PKIB: variants seen among roughly 807,000 people sequenced by gnomAD.
PKIB encodes the protein PKI-beta.
A neutral mutation model predicts 4.5 loss-of-function variants in PKIB; 2 were observed. That is an observed-to-expected ratio of 0.44 (90% CI 0.18 to 1.39). The LOEUF (loss-of-function observed/expected upper bound fraction) is 1.39, where lower values mean the gene tolerates loss of function less well. Ranked by LOEUF, PKIB falls within the 40% of genes most tolerant of loss-of-function variation. The pLI, the probability that PKIB is intolerant of heterozygous loss-of-function variation, is 0.27. For missense variants in PKIB, 94 were observed against 92.6 expected, an observed-to-expected ratio of 1.02 and a Z score of -0.06; for synonymous variants, 38 against 36.0, an observed-to-expected ratio of 1.06 and a Z score of -0.20.
Position 122,629,167 on chromosome 6 carries a change from T to C in PKIB, c.-160-4116T>C, listed in dbSNP as rs571577775. ...GCTTCATAATACTCTCTGTCTTTCA[T>C]TGTACTTGAATAAGGCTTTTCTCAG... On this transcript the variant is annotated intron_variant, in intron 1 of 4. Transcript: ENST00000368452. 2.0e-5 allele frequency among the ~76,000 whole-genome samples: 3 copies of C among 152,308 alleles called. No homozygotes were observed. In the South Asian group the frequency reaches 6.2e-4, roughly 32 times the overall value.
chr6:122,669,340 G>A (rs866673853), intron 2 of PKIB, among the ~76,000 whole-genome samples: 1 of 152,006 alleles, frequency 6.6e-6, no homozygotes. Flanking sequence ...AGCTTTAAAT[G>A]GATTTAAGAC....
At chr6:122,691,224 T>C (rs1778341706) in intron 3 of PKIB, among the ~76,000 whole-genome samples, 1 of 152,090 alleles carries the variant, frequency 6.6e-6, no homozygotes, top group Non-Finnish European at 1.5e-5. Flanking sequence ...GATATTGATA[T>C]TTTTGTTTAG....
chr6:122,689,849 G>C (rs1282156725), intron 3 of PKIB, among the ~76,000 whole-genome samples: 1 of 152,064 alleles, frequency 6.6e-6, no homozygotes, highest in East Asian at 1.9e-4. Context: ...CTGCAAGTGG[G>C]ATGTTGAAGT....
chr6:122,586,284 T>C (rs1384652306), intron 3 of PKIB, among the ~76,000 whole-genome samples: 3 of 152,092 alleles, frequency 2.0e-5, no homozygotes, highest in Non-Finnish European at 4.4e-5. Context: ...CCTGGTTAGG[T>C]TTTTCATTAT....
At chr6:122,688,757 T>C (rs1453444080) in intron 3 of PKIB, among the ~76,000 whole-genome samples, 3 of 151,520 alleles carry the variant, frequency 2.0e-5, no homozygotes, top group African/African-American at 7.3e-5. Context: ...ATATAGTTAC[T>C]TATAGTAGCC....
chr6:122,491,911 C>G (rs550733881), intron 2 of PKIB, among the ~76,000 whole-genome samples: 2 of 152,148 alleles, frequency 1.3e-5, no homozygotes, highest in African/African-American at 2.4e-5. Context: ...GTTGTTTTTA[C>G]AGTCAGCAAA....
rs1042280395 is a variant in PKIB at position 122,675,105 on chromosome 6, A to C, written c.-48A>C. The C allele has an allele frequency of 6.6e-6, 1 of 152,652 alleles. No homozygotes were observed. The highest frequency in any genetic ancestry group is 2.4e-5 in the African/African-American group (1 of 41,564). 9.5% of individuals were successfully genotyped at this position (152,652 alleles called of 1,614,324 possible). The stretch of plus-strand genomic sequence containing the variant: ...AAGAAAGTTTATCAGAATTTTTTAA[A>C]CCTGTCTCAGAAATAACAACATATT... On this transcript the variant is annotated 5_prime_UTR_variant, in exon 3 of 5. Transcript: ENST00000368452.
intron 2 of PKIB, chr6:122,652,604 T>C (rs1776603745): frequency 6.6e-6 from 1 of 152,168 alleles, no homozygotes; most frequent in African/African-American, 2.4e-5. Context: ...CCACCTAGAT[T>C]AATGTTTGAT....
chr6:122,709,099 C>G (rs983135984), intron 3 of PKIB, among the ~76,000 whole-genome samples: 1 of 152,070 alleles, frequency 6.6e-6, no homozygotes, highest in African/African-American at 2.4e-5. Context: ...AGTTGTTAAC[C>G]AAGCACATTT....
intron 2 of PKIB, among the ~76,000 whole-genome samples, chr6:122,643,144 C>T (rs1445198859): frequency 3.3e-5 from 5 of 152,114 alleles, no homozygotes; most frequent in Admixed American, 2.0e-4. Context: ...AATGCATTAT[C>T]TTAGTTCCCT....
At chr6:122,708,935 G>A (rs371422357) in intron 3 of PKIB, among the ~76,000 whole-genome samples, 2 of 152,082 alleles carry the variant, frequency 1.3e-5, no homozygotes, top group Non-Finnish European at 2.9e-5. Flanking sequence ...GCCCAGCTGC[G>A]TTAATCTCTT....
intron 2 of PKIB, among the ~76,000 whole-genome samples, chr6:122,541,588 T>C (rs1191649654): frequency 2.4e-4 from 37 of 152,058 alleles, no homozygotes; most frequent in Admixed American, 5.2e-4. Flanking sequence ...GTGGGTAACC[T>C]GACCTTTCTC....
intron 2 of PKIB, among the ~76,000 whole-genome samples, chr6:122,526,046 GA>G (rs368180390): frequency 1.3e-4 from 20 of 152,110 alleles, no homozygotes; most frequent in African/African-American, 4.8e-4. Context: ...ACCAGGAATA[GA>G]CTCCATCTCA....
chr6:122,701,982 T>G (rs1209211435), intron 3 of PKIB, among the ~76,000 whole-genome samples: 1 of 152,124 alleles, frequency 6.6e-6, no homozygotes, highest in Non-Finnish European at 1.5e-5. Context: ...TTACATTAGG[T>G]AACCAGAATA....
intron 2 of PKIB, among the ~76,000 whole-genome samples, chr6:122,512,020 G>T (rs1433604937): frequency 6.6e-6 from 1 of 152,068 alleles, no homozygotes; most frequent in Non-Finnish European, 1.5e-5. Context: ...GGCCTCTTGT[G>T]GCTTTCCACA....
At chr6:122,627,206 T>A (rs150622537) in intron 1 of PKIB, among the ~76,000 whole-genome samples, 1,935 of 151,358 alleles carry the variant, frequency 0.013, 49 homozygotes, top group African/African-American at 0.043. Flanking sequence ...TTGTGCCTAC[T>A]GCACTCCAGC....
chr6:122,610,554 G>A lies in PKIB; in HGVS notation c.-161+19G>A, dbSNP rs1774707865. 6.6e-6 allele frequency: 1 copy of A among 152,474 alleles called. No homozygotes were observed. The highest frequency in any genetic ancestry group is 6.5e-5 in the Admixed American group (1 of 15,294). 9.4% of individuals were successfully genotyped at this position (152,474 alleles called of 1,614,324 possible). A position where few individuals can be genotyped will look rare whatever the true frequency, so the allele number is the denominator to read the frequency against. ...GCGGCTGGTACGTACCTGGTGGAGC[G>A]GGCGCGTGAGTGGGTGTCCCTATGC... On this transcript the variant is annotated intron_variant, in intron 1 of 4. Transcript: ENST00000368452.
intron 1 of PKIB, among the ~76,000 whole-genome samples, chr6:122,472,831 G>A (rs570988364): frequency 5.3e-5 from 8 of 152,118 alleles, no homozygotes; most frequent in African/African-American, 1.9e-4. Flanking sequence ...CATCCATAAG[G>A]TTTAAAGAAT....
chr6:122,484,152 C>T (rs971642690), intron 2 of PKIB: 2 of 148,970 alleles, frequency 1.3e-5, no homozygotes, highest in Non-Finnish European at 3.0e-5. Flanking sequence ...CCGCACAACA[C>T]TCTTGAAGTA....
Sources: allele counts gnomAD v4.1 joint callset (sites outside exome capture counted in the v4.1 genomes callset), GRCh38; gene constraint gnomAD v4.1.1; transcripts MANE v1.5; gene names NCBI Gene and HGNC (gene_info 2026-07-23, HGNC 2026-07-21).